The following SEMA4D variants were observed in gnomAD, a reference collection of about 807,000 sequenced individuals.
SEMA4D encodes semaphorin 4D.
In SEMA4D, 22 loss-of-function variants were observed where a neutral mutation model predicts 74.8. The ratio of observed to expected loss-of-function variants is 0.29; its 90% CI spans 0.21 to 0.42. The LOEUF (loss-of-function observed/expected upper bound fraction) is 0.42, where lower values mean the gene tolerates loss of function less well. Ranked by LOEUF, SEMA4D falls within the 10% of genes least tolerant of loss-of-function variation. The probability of loss-of-function intolerance (pLI) is 1.00; values close to 1 mark genes in which losing one functional copy is unlikely to be tolerated. For missense variants in SEMA4D, 937 were observed against 1,118.4 expected (o/e 0.84, Z 2.31); for synonymous variants, 445 against 463.7 (o/e 0.96, Z 0.52).
rs1841675063 is a variant in SEMA4D, at chr9:89,399,263, A to G, written c.315+13T>C. The G allele has an allele frequency of 6.2e-7, 1 of 1,610,272 alleles. No homozygotes were observed. Among genetic ancestry groups the G allele is most frequent in the South Asian group, 1.1e-5 (1 of 90,988 alleles). On this transcript the variant is annotated intron_variant, in intron 5 of 15. Transcript: ENST00000422704. Reference sequence around the variant, plus strand: ...TTGAATGGGATTCTTTGTAGCTTGCAAAAGAAATTTACCTGTTTTGATTTC... The same window carrying G: ...TTGAATGGGATTCTTTGTAGCTTGCGAAAGAAATTTACCTGTTTTGATTTC...
At chr9:89,363,671 T>C in intron 17 of SEMA4D, 2 of 1,593,946 alleles carry the variant, frequency 1.3e-6, no homozygotes, top group South Asian at 2.2e-5. Flanking sequence ...CAGCTGTTTT[T>C]TTCACTGCCA....
intron 2 of SEMA4D, among the ~76,000 whole-genome samples, chr9:89,435,526 G>T (rs890747603): frequency 1.3e-5 from 2 of 152,124 alleles, no homozygotes; most frequent in Non-Finnish European, 1.5e-5. Flanking sequence ...AACTCACAGA[G>T]ATGGCAGACT....
At chr9:89,363,305 T>A in intron 18 of SEMA4D, 1 of 1,400,662 alleles carries the variant, frequency 7.1e-7, no homozygotes. Context: ...AGGAAACTGC[T>A]CCGGGGCTAA....
chr9:89,491,095 G>C (rs1008702711), intron 1 of SEMA4D, among the ~76,000 whole-genome samples: 4 of 152,296 alleles, frequency 2.6e-5, no homozygotes, highest in Non-Finnish European at 5.9e-5. Flanking sequence ...CATAATTCAT[G>C]TCAATAAAAC....
chr9:89,485,809 AAAAAAG>A (rs1564008227), intron 1 of SEMA4D, among the ~76,000 whole-genome samples: 7 of 103,810 alleles, frequency 6.7e-5, no homozygotes, highest in South Asian at 2.6e-4. Context: ...AAAAAAAAAA[AAAAAAG>A]AAAAAAAAAA....
intron 9 of SEMA4D, among the ~76,000 whole-genome samples, chr9:89,389,945 A>T (rs925481866): frequency 6.6e-6 from 1 of 152,140 alleles, no homozygotes; most frequent in Admixed American, 6.5e-5. Flanking sequence ...GGTAGGCAGG[A>T]GCTGTGGGGC....
At chr9:89,472,250 A>G in intron 1 of SEMA4D, 1 of 319,932 alleles carries the variant, frequency 3.1e-6, no homozygotes, top group Non-Finnish European at 6.1e-6. Flanking sequence ...GCAGCCACCA[A>G]GGGCTGGGGA....
intron 2 of SEMA4D, among the ~76,000 whole-genome samples, chr9:89,409,539 A>G (rs570976427): frequency 6.6e-6 from 1 of 152,290 alleles, no homozygotes; most frequent in East Asian, 1.9e-4. Flanking sequence ...CCACCTTCTC[A>G]ATTTTTCTAT....
chr9:89,449,422 G>A (rs1853785226), intron 2 of SEMA4D: 7 of 555,724 alleles, frequency 1.3e-5, no homozygotes, highest in Admixed American at 1.2e-4. Flanking sequence ...TAGAAGTCAC[G>A]CTAAAAGACT....
At chr9:89,454,231 C>T (rs910594559) in intron 2 of SEMA4D, among the ~76,000 whole-genome samples, 2 of 152,188 alleles carry the variant, frequency 1.3e-5, no homozygotes, top group African/African-American at 4.8e-5. Context: ...AGTCACAACC[C>T]GGCTTTCTAA....
At chr9:89,443,604 T>C (rs1450887008) in intron 2 of SEMA4D, among the ~76,000 whole-genome samples, 1 of 152,196 alleles carries the variant, frequency 6.6e-6, no homozygotes, top group East Asian at 1.9e-4. Flanking sequence ...CGGACGGCCC[T>C]GGCCCTGCAG....
chr9:89,458,238 G>T (rs1856416352), intron 1 of SEMA4D, among the ~76,000 whole-genome samples: 1 of 152,156 alleles, frequency 6.6e-6, no homozygotes, highest in South Asian at 2.1e-4. Flanking sequence ...GTAGTAACAG[G>T]TTTTTCGTGC....
At chr9:89,471,764 A>C (rs1345922441) in intron 1 of SEMA4D, among the ~76,000 whole-genome samples, 1 of 147,202 alleles carries the variant, frequency 6.8e-6, no homozygotes, top group East Asian at 2.0e-4. Flanking sequence ...ATGCCAACTC[A>C]GGTGCATATA....
chr9:89,463,603 G>C (rs4877094), intron 1 of SEMA4D, among the ~76,000 whole-genome samples: 28,593 of 152,160 alleles, frequency 0.19, 2,917 homozygotes, highest in East Asian at 0.32. Flanking sequence ...AGTCTCCAAA[G>C]TGTATTCACA....
In SEMA4D at chr9:89,392,550, G is replaced by A. The variant is rs1840088616; in HGVS notation, c.509-14C>T. On this transcript the variant is annotated splice_polypyrimidine_tract_variant and intron_variant, in intron 7 of 15. Coordinates refer to ENST00000422704, the MANE Select transcript of SEMA4D (RefSeq NM_001371194.2). ...AAAGTTCTCCATCTGCAGGGGCCCA[G>A]AAGAAAAGAGGAAAAGGGAACCAAC... 1 of 1,567,842 alleles carries A rather than the reference G, an allele frequency of 6.4e-7. No homozygotes were observed. Among genetic ancestry groups the A allele is most frequent in the African/African-American group, 1.4e-5 (1 of 74,010 alleles).
At chr9:89,441,608 G>T (rs753724431) in intron 2 of SEMA4D, among the ~76,000 whole-genome samples, 2 of 152,260 alleles carry the variant, frequency 1.3e-5, no homozygotes, top group Non-Finnish European at 2.9e-5. Context: ...GGAAGCAGCA[G>T]GCAGGGAGGG....
chr9:89,451,770 A>G (rs1854563677), intron 2 of SEMA4D, among the ~76,000 whole-genome samples: 1 of 152,190 alleles, frequency 6.6e-6, no homozygotes, highest in Non-Finnish European at 1.5e-5. Context: ...CTCATTTAAA[A>G]AAAAAAGACT....
rs1836161558 is a variant in SEMA4D at position 89,378,145 on chromosome 9, C to CT, written c.*558dup. 6 of 152,028 alleles carry CT rather than the reference C, an allele frequency of 3.9e-5. No homozygotes were observed. Among genetic ancestry groups the CT allele is most frequent in the Admixed American group, 3.9e-4 (6 of 15,248 alleles). The allele number at this position is 152,028 out of a possible 1,614,324, so 9.4% of individuals were successfully genotyped here. On this transcript the variant is annotated 3_prime_UTR_variant, in exon 16 of 16. Coordinates refer to ENST00000422704, the MANE Select transcript of SEMA4D (RefSeq NM_001371194.2). ...ACAAAATCTGGAAGATATACATCTT[C>CT]TTCTAAATATTAACACAACTGCTTC...
At chr9:89,400,680 G>A (rs1587593722) in intron 4 of SEMA4D, among the ~76,000 whole-genome samples, 3 of 152,156 alleles carry the variant, frequency 2.0e-5, no homozygotes, top group Non-Finnish European at 2.9e-5. Flanking sequence ...AGATGATTTC[G>A]TCAACTCGCA....
Sources: allele counts gnomAD v4.1 joint callset (sites outside exome capture counted in the v4.1 genomes callset), GRCh38; gene constraint gnomAD v4.1.1; transcripts MANE v1.5; gene names NCBI Gene and HGNC (gene_info 2026-07-23, HGNC 2026-07-21).